Variants in CAMK4 observed in about 807,000 individuals in gnomAD.
CAMK4 encodes calcium/calmodulin dependent protein kinase IV, also known as calcium/calmodulin-dependent protein kinase type IV.
CAMK4 carries 22 observed loss-of-function variants against 44.9 expected under a neutral mutation model. That is an observed-to-expected ratio of 0.49 (90% CI 0.35 to 0.70). The LOEUF is 0.70. CAMK4 is among the 30% of genes least tolerant of loss of function. CAMK4 has a pLI of 0.01. For missense variants in CAMK4, 498 were observed against 586.8 expected (o/e 0.85, Z 1.56); for synonymous variants, 218 against 215.4 (o/e 1.01, Z -0.11).
intron 7 of CAMK4, among the ~76,000 whole-genome samples, chr5:111,463,319 A>G (rs1038683095): frequency 1.3e-5 from 2 of 152,210 alleles, no homozygotes; most frequent in Admixed American, 1.3e-4. Context: ...TGAATAGACA[A>G]TGCTCAAAAG....
intron 1 of CAMK4, among the ~76,000 whole-genome samples, chr5:111,227,367 A>G (rs1233507289): frequency 6.6e-6 from 1 of 152,194 alleles, no homozygotes; most frequent in Admixed American, 6.5e-5. Flanking sequence ...GTGTGACTCT[A>G]ATTCATTAGT....
chr5:111,271,419 C>A (rs944677295), intron 1 of CAMK4, among the ~76,000 whole-genome samples: 2 of 152,026 alleles, frequency 1.3e-5, no homozygotes, highest in Non-Finnish European at 1.5e-5. Context: ...GAACATGGTG[C>A]GCTTCAAGGC....
chr5:111,323,104 G>A (rs1253036563), intron 1 of CAMK4, among the ~76,000 whole-genome samples: 3 of 151,996 alleles, frequency 2.0e-5, no homozygotes. Flanking sequence ...TAAGAGGAAG[G>A]CATTTTCCAA....
intron 5 of CAMK4, among the ~76,000 whole-genome samples, chr5:111,398,306 T>C (rs1433010109): frequency 1.3e-5 from 2 of 152,176 alleles, no homozygotes; most frequent in African/African-American, 4.8e-5. Flanking sequence ...CCTTCCCTAG[T>C]CCAGTCAGCT....
intron 1 of CAMK4, among the ~76,000 whole-genome samples, chr5:111,320,097 A>G (rs306078): frequency 0.46 from 69,568 of 152,018 alleles, 16,090 homozygotes; most frequent in East Asian, 0.51. Flanking sequence ...GTTCATCACA[A>G]AATTGGAGGA....
chr5:111,286,326 C>T (rs73786871), intron 1 of CAMK4, among the ~76,000 whole-genome samples: 2,543 of 152,168 alleles, frequency 0.017, 72 homozygotes, highest in African/African-American at 0.058. Context: ...TTTGGGATCT[C>T]ACAATACCAT....
chr5:111,331,828 T>G (rs1290128272), intron 1 of CAMK4, among the ~76,000 whole-genome samples: 1 of 151,730 alleles, frequency 6.6e-6, no homozygotes, highest in Non-Finnish European at 1.5e-5. Context: ...AGTTCCATAG[T>G]TTTGATCTTA....
intron 2 of CAMK4, among the ~76,000 whole-genome samples, chr5:111,373,341 G>A (rs144267075): frequency 2.0e-5 from 3 of 152,164 alleles, no homozygotes; most frequent in African/African-American, 4.8e-5. Flanking sequence ...AAAAACTAAA[G>A]GCATTTAGAA....
At chr5:111,266,114 C>G (rs189209009) in intron 1 of CAMK4, 1 of 151,700 alleles carries the variant, frequency 6.6e-6, no homozygotes, top group Non-Finnish European at 1.5e-5. Context: ...AATTAGCAAT[C>G]TTTTCTGAGA....
chr5:111,226,230 C>T (rs974641191), intron 1 of CAMK4, among the ~76,000 whole-genome samples: 13 of 152,102 alleles, frequency 8.5e-5, no homozygotes, highest in African/African-American at 1.7e-4. Context: ...TAAGCTTCAT[C>T]GTCATGAAAC....
intron 2 of CAMK4, among the ~76,000 whole-genome samples, chr5:111,353,749 A>G (rs1750210891): frequency 6.6e-6 from 1 of 152,158 alleles, no homozygotes; most frequent in African/African-American, 2.4e-5. Context: ...AATCTCTTTT[A>G]TGACAGCATC....
intron 1 of CAMK4, among the ~76,000 whole-genome samples, chr5:111,291,964 G>A (rs1747281081): frequency 6.6e-6 from 1 of 152,098 alleles, no homozygotes; most frequent in African/African-American, 2.4e-5. Context: ...CATAAAACAT[G>A]TGTTTTAATA....
chr5:111,470,740 A>G (rs1036171884), intron 7 of CAMK4, among the ~76,000 whole-genome samples: 1 of 152,220 alleles, frequency 6.6e-6, no homozygotes, highest in Non-Finnish European at 1.5e-5. Flanking sequence ...GTAGATGCCT[A>G]ATGATTTCCT....
intron 1 of CAMK4, among the ~76,000 whole-genome samples, chr5:111,335,536 G>A (rs1749364912): frequency 6.6e-6 from 1 of 151,248 alleles, no homozygotes; most frequent in South Asian, 2.1e-4. Context: ...GTGAGATTAT[G>A]GGAGAAAAAG....
intron 5 of CAMK4, among the ~76,000 whole-genome samples, chr5:111,430,169 AAATC>A (rs765220625): frequency 2.2e-4 from 33 of 152,334 alleles, no homozygotes; most frequent in Non-Finnish European, 3.7e-4. Context: ...CAACATATGC[AAATC>A]AATCAATGTG....
chr5:111,278,350 A>G (rs888866567), intron 1 of CAMK4, among the ~76,000 whole-genome samples: 1 of 151,550 alleles, frequency 6.6e-6, no homozygotes, highest in Admixed American at 6.6e-5. Flanking sequence ...AGTCAGTTTC[A>G]TTATGAAATT....
intron 1 of CAMK4, among the ~76,000 whole-genome samples, chr5:111,297,019 T>C (rs1747511082): frequency 6.6e-6 from 1 of 152,216 alleles, no homozygotes; most frequent in South Asian, 2.1e-4. Context: ...TATTTAGAAT[T>C]GGCCCCAAAT....
At chr5:111,403,630 A>T (rs1336800469) in intron 5 of CAMK4, among the ~76,000 whole-genome samples, 1 of 152,176 alleles carries the variant, frequency 6.6e-6, no homozygotes, top group Non-Finnish European at 1.5e-5. Flanking sequence ...TGATTTATAG[A>T]CATAGAATAA....
intron 1 of CAMK4, among the ~76,000 whole-genome samples, chr5:111,305,828 C>T (rs1747910867): frequency 7.8e-6 from 1 of 128,040 alleles, no homozygotes; most frequent in African/African-American, 3.0e-5. Flanking sequence ...CCTTGATGAA[C>T]ATTGATGCAA....
Sources: gnomAD v4.1 joint callset for allele counts (sites outside exome capture counted in the v4.1 genomes callset) on GRCh38, gnomAD v4.1.1 for gene constraint, MANE v1.5 for transcripts, NCBI Gene and HGNC (gene_info 2026-07-23, HGNC 2026-07-21) for gene names.